ZFP37: variants seen among roughly 807,000 people sequenced by gnomAD.
ZFP37 encodes the protein zinc finger protein 37 homolog.
A neutral mutation model predicts 52.1 loss-of-function variants in ZFP37; 38 were observed. The ratio of observed to expected loss-of-function variants is 0.73; its 90% CI spans 0.56 to 0.96. The LOEUF (loss-of-function observed/expected upper bound fraction) is 0.96, where lower values mean the gene tolerates loss of function less well. ZFP37 is among the 40% of genes least tolerant of loss of function. The pLI is 0.00. For synonymous variants in ZFP37, 253 were observed against 259.5 expected, an observed-to-expected ratio of 0.98 and a Z score of 0.24; for missense variants, 695 against 741.4, an observed-to-expected ratio of 0.94 and a Z score of 0.73.
intron 1 of ZFP37, among the ~76,000 whole-genome samples, chr9:113,051,643 C>T (rs1829059942): frequency 6.6e-6 from 1 of 152,046 alleles, no homozygotes; most frequent in Non-Finnish European, 1.5e-5. Context: ...TTTGTAGAGA[C>T]AGGTTCTTGC....
At chr9:113,044,741 C>G (rs565095559) in intron 3 of ZFP37, among the ~76,000 whole-genome samples, 1 of 152,092 alleles carries the variant, frequency 6.6e-6, no homozygotes. Flanking sequence ...AGATGTCCAA[C>G]AAGATTCTTT....
chr9:113,049,717 C>T, intron 2 of ZFP37, 74 bp downstream of exon 2: 1 of 1,562,362 alleles, frequency 6.4e-7, no homozygotes, highest in Non-Finnish European at 8.7e-7. Flanking sequence ...AAAATGAAGG[C>T]CAAACTTATC....
chr9:113,048,296 G>A (rs1297464396), intron 3 of ZFP37, among the ~76,000 whole-genome samples: 1 of 152,176 alleles, frequency 6.6e-6, no homozygotes, highest in East Asian at 1.9e-4. Flanking sequence ...AGTGAAAGGA[G>A]AGAAACGGAA....
chr9:113,056,618 G>A lies in ZFP37; in HGVS notation c.71C>T (p.Thr24Met). 1 of 1,614,008 alleles carries A rather than the reference G, an allele frequency of 6.2e-7. No homozygotes were observed. Reference protein sequence around the residue: ...ETVDRRRSAETTKEAGRPLEM... With the variant: ...ETVDRRRSAEMTKEAGRPLEM... ...CAGTGGTCGCCCGGCCTCTTTGGTC[G>A]TTTCCGCACTTCTCCTCCGGTCCAC... Residue 24 changes from threonine to methionine, a missense_variant, in exon 1 of 4, where the codon ACG (threonine) becomes ATG (methionine). By Grantham distance (81) the Thr-to-Met change is moderately conservative. This residue lies in a region of ZFP37 where 369 missense variants were observed against 340.9 expected (regional missense o/e 1.08). Coordinates refer to ENST00000374227, the MANE Select transcript of ZFP37 (RefSeq NM_003408.3).
rs1365252212 is a variant in ZFP37, at chr9:113,042,216, A to G, written c.*509T>C. On this transcript the variant is annotated 3_prime_UTR_variant, in exon 4 of 4. Transcript: ENST00000374227. Reference sequence around the variant, plus strand: ...TTTCCTGTTAACATTTTTTACATATATAACAACCCTTTTAAAAAGATTTCT... The same window carrying G: ...TTTCCTGTTAACATTTTTTACATATGTAACAACCCTTTTAAAAAGATTTCT... 6.6e-6 allele frequency: 1 copy of G among 152,182 alleles called. No individual in the cohort carries two copies. Among genetic ancestry groups the G allele is most frequent in the Non-Finnish European group, 1.5e-5 (1 of 68,152 alleles). 9.4% of individuals were successfully genotyped at this position (152,182 alleles called of 1,614,324 possible).
At chr9:113,044,592 C>T (rs780706134) in intron 3 of ZFP37, among the ~76,000 whole-genome samples, 1 of 152,032 alleles carries the variant, frequency 6.6e-6, no homozygotes, top group Non-Finnish European at 1.5e-5. Flanking sequence ...GTAGCTGATA[C>T]TTTTTGAGGT....
intron 3 of ZFP37, among the ~76,000 whole-genome samples, chr9:113,045,791 T>A (rs189868595): frequency 8.5e-5 from 13 of 152,324 alleles, no homozygotes; most frequent in Admixed American, 8.5e-4. Context: ...ACTACATGTA[T>A]AAAAACCTAT....
chr9:113,056,474 A>G lies in ZFP37; in HGVS notation c.132+83T>C, dbSNP rs1029759651. ...GATTCCACCAATTCCCAAATCACCT[A>G]TCGTCACAGACTACTCCAATCACTG... On this transcript the variant is annotated intron_variant, in intron 1 of 3. Coordinates refer to ENST00000374227, the MANE Select transcript of ZFP37 (RefSeq NM_003408.3). 7.7e-6 allele frequency: 12 copies of G among 1,559,872 alleles called. No homozygotes were observed. In the East Asian group the frequency reaches 1.6e-4, roughly 21 times the overall value.
intron 3 of ZFP37, among the ~76,000 whole-genome samples, chr9:113,045,382 T>A (rs1000313089): frequency 6.6e-6 from 1 of 152,230 alleles, no homozygotes; most frequent in Non-Finnish European, 1.5e-5. Flanking sequence ...AGTAATTAGC[T>A]TAGCAAACAA....
At position 113,052,104 on chromosome 9, in the gene ZFP37, A is replaced by G. The variant is rs1829066899; in HGVS notation, c.133-2232T>C. On this transcript the variant is annotated intron_variant, in intron 1 of 3. Transcript: ENST00000374227. This position sits in a 1 kb window ranked among gnomAD's most constrained non-coding sequence, Gnocchi z 4.1. ...CCCCAATCACTAAACAGAATTCTCA[A>G]GCAGTGGCCTTTATAGAAACTCTAA... 6.6e-6 allele frequency among the ~76,000 whole-genome samples: 1 copy of G among 152,164 alleles called. No homozygotes were observed. Among genetic ancestry groups the G allele is most frequent in the Admixed American group, 6.5e-5 (1 of 15,284 alleles).
chr9:113,056,628 T>C lies in ZFP37; in HGVS notation c.61A>G (p.Ser21Gly). ...CCGGCCTCTTTGGTCGTTTCCGCACTTCTCCTCCGGTCCACGGTCTCTGGC... is the reference window on the plus strand; with the variant it reads ...CCGGCCTCTTTGGTCGTTTCCGCACCTCTCCTCCGGTCCACGGTCTCTGGC... ...TKPETVDRRR[S>G]AETTKEAGRP... Residue 21 changes from serine (S) to glycine (G), a missense_variant, in exon 1 of 4, where the codon AGT becomes GGT. Coordinates refer to ENST00000374227, the MANE Select transcript of ZFP37 (RefSeq NM_003408.3). 6.2e-7 allele frequency: 1 copy of C among 1,614,054 alleles called. No homozygotes were observed. The highest frequency in any genetic ancestry group is 8.5e-7 in the Non-Finnish European group (1 of 1,180,016).
intron 3 of ZFP37, among the ~76,000 whole-genome samples, chr9:113,044,685 C>G (rs1828921360): frequency 6.6e-6 from 1 of 151,976 alleles, no homozygotes; most frequent in Admixed American, 6.6e-5. Flanking sequence ...ACTATATTAC[C>G]CCAATTCTCC....
chr9:113,051,499 C>A (rs781287449), intron 1 of ZFP37, among the ~76,000 whole-genome samples: 1 of 152,004 alleles, frequency 6.6e-6, no homozygotes, highest in African/African-American at 2.4e-5. Flanking sequence ...GTTGCCCAGG[C>A]TGAAGTGCAA....
At position 113,039,453 on chromosome 9, in the gene ZFP37, GT is replaced by G. The variant is rs1420008637; in HGVS notation, c.*3271del. ...CTCTTCCGTCATATATATATACATG[GT>G]TTGCTCTTTTACCCTCTCTGGGTCT... On this transcript the variant is annotated 3_prime_UTR_variant, in exon 4 of 4. Coordinates refer to ENST00000374227, the MANE Select transcript of ZFP37 (RefSeq NM_003408.3). 6.6e-6 allele frequency: 1 copy of G among 151,676 alleles called. No individual in the cohort carries two copies. Among genetic ancestry groups the G allele is most frequent in the East Asian group, 1.9e-4 (1 of 5,192 alleles). The allele number at this position is 151,676 out of a possible 1,614,324, so 9.4% of individuals were successfully genotyped here. A position where few individuals can be genotyped will look rare whatever the true frequency, so the allele number is the denominator to read the frequency against.
chr9:113,044,046 G>A lies in ZFP37; in HGVS notation c.572C>T (p.Pro191Leu), dbSNP rs771925208. Residue 191 changes from proline to leucine, a missense_variant, in exon 4 of 4, where the codon CCT becomes CTT. This residue lies in a region of ZFP37 where 369 missense variants were observed against 340.9 expected (regional missense o/e 1.08). Coordinates refer to ENST00000374227, the MANE Select transcript of ZFP37 (RefSeq NM_003408.3). Reference sequence around the variant, plus strand: ...TTTTACACAGTTTCTTGAGTGATCAGGTAAATCTAAATTCTGTTTCAAAAT... The same window carrying A: ...TTTTACACAGTTTCTTGAGTGATCAAGTAAATCTAAATTCTGTTTCAAAAT... ...GKILKQNLDL[P>L]DHSRNCVKRK... 1.2e-6 allele frequency: 2 copies of A among 1,611,642 alleles called. No individual in the cohort carries two copies. Among genetic ancestry groups the A allele is most frequent in the Non-Finnish European group, 1.7e-6 (2 of 1,179,470 alleles).
intron 1 of ZFP37, among the ~76,000 whole-genome samples, chr9:113,054,279 G>A (rs758407747): frequency 3.3e-5 from 5 of 152,094 alleles, no homozygotes; most frequent in Non-Finnish European, 7.4e-5. Flanking sequence ...CACTTGCACA[G>A]TTTTCCTCTT....
At chr9:113,046,195 TGTAGAC>T in intron 3 of ZFP37, among the ~76,000 whole-genome samples, 1 of 139,170 alleles carries the variant, frequency 7.2e-6, no homozygotes, top group Admixed American at 7.7e-5. Flanking sequence ...TATCTATATA[TGTAGAC>T]AGATATATAT....
chr9:113,044,095 G>T lies in ZFP37; in HGVS notation c.523C>A (p.Leu175Ile), dbSNP rs35299543. The T allele has an allele frequency of 1.2e-3, 1,956 of 1,610,984 alleles. 27 individuals carry two copies. In the African/African-American group the frequency reaches 0.023, roughly 19 times the overall value. The change falls in exon 4 of 4, where the codon CTT (leucine) becomes ATT (isoleucine). Residue 175 changes from leucine to isoleucine, a missense_variant. Leu to Ile is a conservative substitution (Grantham distance 5). This residue lies in a region of ZFP37 where 369 missense variants were observed against 340.9 expected (regional missense o/e 1.08). Transcript: ENST00000374227. ...KKHVPSKKRL[L>I]KFESCGKILK... ...ATTTTTCCACATGACTCAAATTTAA[G>T]AAGCCTTTTCTTTGAAGGAACATGT...
chr9:113,053,314 T>C (rs1829090151), intron 1 of ZFP37, among the ~76,000 whole-genome samples: 1 of 152,208 alleles, frequency 6.6e-6, no homozygotes, highest in Non-Finnish European at 1.5e-5. Context: ...CCATACACAA[T>C]CAATTAAAAA....
Sources: gnomAD v4.1 joint callset for allele counts (sites outside exome capture counted in the v4.1 genomes callset) on GRCh38, gnomAD v4.1.1 for gene constraint, gnomAD v4.1.1 regional missense constraint, Gnocchi (gnomAD v3.1) non-coding constraint, MANE v1.5 for transcripts, NCBI Gene and HGNC (gene_info 2026-07-23, HGNC 2026-07-21) for gene names.